USP15: variants seen among roughly 807,000 people sequenced by gnomAD.
USP15 encodes ubiquitin specific peptidase 15, also known as ubiquitin carboxyl-terminal hydrolase 15.
In USP15, 18 loss-of-function variants were observed where a neutral mutation model predicts 127.1. The observed-to-expected ratio is 0.14, with a 90% CI of 0.10 to 0.21. The LOEUF is 0.21. Ranked by LOEUF, USP15 falls within the 10% of genes least tolerant of loss-of-function variation. USP15 has a pLI of 1.00. For synonymous variants in USP15, 364 were observed against 393.7 expected, an observed-to-expected ratio of 0.92 and a Z score of 0.89; for missense variants, 805 against 1,159.9, an observed-to-expected ratio of 0.69 and a Z score of 4.44.
At chr12:62,378,078 G>A (rs981435413) in intron 8 of USP15, among the ~76,000 whole-genome samples, 3 of 151,912 alleles carry the variant, frequency 2.0e-5, no homozygotes, top group South Asian at 4.2e-4. Flanking sequence ...GCGGTGGTGG[G>A]CGCCTATAAT....
chr12:62,283,492 C>A (rs2063707526), intron 1 of USP15, among the ~76,000 whole-genome samples: 1 of 152,012 alleles, frequency 6.6e-6, no homozygotes, highest in South Asian at 2.1e-4. Flanking sequence ...GAAAAATAGG[C>A]AATAGACAAG....
At chr12:62,320,921 G>A (rs1239301715) in intron 4 of USP15, among the ~76,000 whole-genome samples, 1 of 152,072 alleles carries the variant, frequency 6.6e-6, no homozygotes, top group East Asian at 1.9e-4. Flanking sequence ...ATCAGAAAAA[G>A]ACGTGACTTT....
chr12:62,317,267 A>AGTTGTT (rs2064858499), intron 4 of USP15, among the ~76,000 whole-genome samples: 1 of 152,178 alleles, frequency 6.6e-6, no homozygotes, highest in Admixed American at 6.5e-5. Context: ...ACAGGTTAAC[A>AGTTGTT]GTTGTTGAAT....
intron 3 of USP15, among the ~76,000 whole-genome samples, chr12:62,311,478 A>AAT (rs775633293): frequency 2.6e-5 from 4 of 151,782 alleles, no homozygotes; most frequent in Non-Finnish European, 5.9e-5. Flanking sequence ...CTAGATAATT[A>AAT]ATAATTGGGT....
intron 5 of USP15, among the ~76,000 whole-genome samples, chr12:62,323,832 G>A (rs1255119651): frequency 1.3e-5 from 2 of 152,016 alleles, no homozygotes; most frequent in African/African-American, 2.4e-5. Context: ...GTTCTTGATA[G>A]GTATGTATTT....
At chr12:62,386,774 G>A (rs1035450633) in intron 11 of USP15, among the ~76,000 whole-genome samples, 1 of 152,060 alleles carries the variant, frequency 6.6e-6, no homozygotes, top group Non-Finnish European at 1.5e-5. Context: ...ATATTATATG[G>A]CCACAATTAT....
At chr12:62,390,027 G>A in intron 14 of USP15, 39 bp downstream of exon 14, 8 of 1,490,938 alleles carry the variant, frequency 5.4e-6, no homozygotes, top group Non-Finnish European at 4.5e-6. Flanking sequence ...AAATAAATAT[G>A]GGAATAAAAT....
chr12:62,297,578 A>C (rs1024747086), intron 2 of USP15, among the ~76,000 whole-genome samples: 2 of 152,214 alleles, frequency 1.3e-5, no homozygotes, highest in African/African-American at 4.8e-5. Context: ...GGAAATCAAC[A>C]AATCCTTCTA....
chr12:62,343,103 A>G (rs1207692543), intron 6 of USP15, among the ~76,000 whole-genome samples: 1 of 152,142 alleles, frequency 6.6e-6, no homozygotes, highest in Non-Finnish European at 1.5e-5. Context: ...TTTTCTTCAG[A>G]GATGCCCTGC....
At chr12:62,363,694 C>T (rs1043121289) in intron 8 of USP15, among the ~76,000 whole-genome samples, 2 of 152,006 alleles carry the variant, frequency 1.3e-5, no homozygotes, top group Admixed American at 1.3e-4. Flanking sequence ...GTCCCCACCC[C>T]GTGCTCTCTC....
rs2067903950 is a variant in USP15 at position 62,407,417 on chromosome 12, C to G, written c.*3042C>G. 6.6e-6 allele frequency: 1 copy of G among 152,148 alleles called. No individual in the cohort carries two copies. The allele number at this position is 152,148 out of a possible 1,614,324, so 9.4% of individuals were successfully genotyped here. ...TATTTTATGGGAAGAGCTTTGTAAACTTTATTACACACTCACTGATTTCTT... is the reference window on the plus strand; with the variant it reads ...TATTTTATGGGAAGAGCTTTGTAAAGTTTATTACACACTCACTGATTTCTT... On this transcript the variant is annotated 3_prime_UTR_variant, in exon 22 of 22. Coordinates refer to ENST00000280377, the MANE Select transcript of USP15 (RefSeq NM_001252078.2).
chr12:62,376,956 T>C (rs1275507365), intron 8 of USP15, among the ~76,000 whole-genome samples: 1 of 152,182 alleles, frequency 6.6e-6, no homozygotes, highest in Non-Finnish European at 1.5e-5. Context: ...AGGAAAATGA[T>C]TTTTTTATAG....
intron 8 of USP15, among the ~76,000 whole-genome samples, chr12:62,361,842 T>A (rs2137478140): frequency 6.6e-6 from 1 of 152,136 alleles, no homozygotes; most frequent in East Asian, 1.9e-4. Flanking sequence ...ATTTATAAAC[T>A]ATTCTGGGCA....
At chr12:62,391,038 A>G (rs1180982826) in intron 15 of USP15, 59 bp downstream of exon 15, 1 of 1,547,758 alleles carries the variant, frequency 6.5e-7, no homozygotes, top group Non-Finnish European at 8.8e-7. Context: ...CTCAGAGAAA[A>G]AGTTAAGAAA....
intron 1 of USP15, among the ~76,000 whole-genome samples, chr12:62,276,247 A>G (rs2063486309): frequency 1.3e-5 from 2 of 152,140 alleles, no homozygotes; most frequent in Admixed American, 6.6e-5. Flanking sequence ...ATGTCTTAGT[A>G]TTCAGAAATA....
intron 6 of USP15, among the ~76,000 whole-genome samples, chr12:62,345,850 T>G (rs1172545295): frequency 6.6e-6 from 1 of 152,098 alleles, no homozygotes; most frequent in Non-Finnish European, 1.5e-5. Flanking sequence ...AAACTCCCAT[T>G]TTTAAGACCA....
intron 3 of USP15, 112 bp downstream of exon 3, chr12:62,303,032 G>T: frequency 7.9e-7 from 1 of 1,264,310 alleles, no homozygotes. Context: ...GAAAAAGCCA[G>T]CAAAATAACC....
chr12:62,289,511 C>G (rs575712984), intron 1 of USP15, among the ~76,000 whole-genome samples: 2 of 151,960 alleles, frequency 1.3e-5, no homozygotes, highest in Admixed American at 6.6e-5. Flanking sequence ...GTTAGTCTAG[C>G]TAGCAGTCTG....
chr12:62,321,475 A>G lies in USP15; in HGVS notation c.487A>G (p.Lys163Glu). 1 of 1,578,424 alleles carries G rather than the reference A, an allele frequency of 6.3e-7. No homozygotes were observed. Among genetic ancestry groups the G allele is most frequent in the Non-Finnish European group, 8.6e-7 (1 of 1,157,858 alleles). Residue 163 changes from lysine to glutamate, a missense_variant, in exon 5 of 22, where the codon AAG becomes GAG. Transcript: ENST00000280377. ...SKADTIDTIEKEIRKIFSIPD... is the reference protein window; with the variant it reads ...SKADTIDTIEEEIRKIFSIPD... ...CTCCTTAAATCTAGATACAATTGAA[A>G]AGGAAATAAGAAAAATCTTCAGTAT... is the stretch of plus-strand genomic sequence containing the variant.
Sources: gnomAD v4.1 joint callset for allele counts (sites outside exome capture counted in the v4.1 genomes callset) on GRCh38, gnomAD v4.1.1 for gene constraint, MANE v1.5 for transcripts, NCBI Gene and HGNC (gene_info 2026-07-23, HGNC 2026-07-21) for gene names.